SEC22C: variants seen among roughly 807,000 people sequenced by gnomAD.
The protein encoded by SEC22C is vesicle-trafficking protein SEC22c.
Under a neutral mutation model 34.7 loss-of-function variants are expected in SEC22C, and 29 were observed. The ratio of observed to expected loss-of-function variants is 0.84; its 90% CI spans 0.62 to 1.14. The LOEUF (loss-of-function observed/expected upper bound fraction) is 1.14, where lower values mean the gene tolerates loss of function less well. SEC22C is among the 50% of genes most tolerant of loss of function. The probability of loss-of-function intolerance (pLI) is 0.00; values close to 1 mark genes in which losing one functional copy is unlikely to be tolerated. For synonymous variants in SEC22C, 117 were observed against 132.8 expected (o/e 0.88, Z 0.82); for missense variants, 337 against 369.0 (o/e 0.91, Z 0.71).
rs779902672 is a variant in SEC22C, at chr3:42,591,608, A to G, written c.-28+9352T>C. 3.7e-6 allele frequency: 6 copies of G among 1,605,254 alleles called. No individual in the cohort carries two copies. The East Asian group carries it at 6.7e-5, about 18-fold the overall frequency. Reference sequence around the variant, plus strand: ...GCGGGAACGAGTGCGTGCAGTAAGTACCCCCACCCCCGCGCCCCTGACCTG... The same window carrying G: ...GCGGGAACGAGTGCGTGCAGTAAGTGCCCCCACCCCCGCGCCCCTGACCTG... On this transcript the variant is annotated intron_variant, in intron 1 of 6. Coordinates refer to the SEC22C transcript ENST00000417572.
At position 42,548,431 on chromosome 3, in the gene SEC22C, G is replaced by A. The variant is rs750260174; in HGVS notation, c.*4817C>T. On this transcript the variant is annotated 3_prime_UTR_variant, in exon 7 of 7. Transcript: ENST00000264454. ...TACCCTAAATAAAAGGCGCTTGTGGGCAACAGCTCTGCCATCAATACACAT... is the reference window on the plus strand; with the variant it reads ...TACCCTAAATAAAAGGCGCTTGTGGACAACAGCTCTGCCATCAATACACAT... 2.2e-5 allele frequency: 14 copies of A among 649,924 alleles called. No individual in the cohort carries two copies. Among genetic ancestry groups the A allele is most frequent in the Admixed American group, 5.8e-5 (2 of 34,544 alleles). 40.3% of individuals were successfully genotyped at this position (649,924 alleles called of 1,614,324 possible). A position where few individuals can be genotyped will look rare whatever the true frequency, so the allele number is the denominator to read the frequency against.
At chr3:42,588,057 G>A (rs974207755) in intron 1 of SEC22C, among the ~76,000 whole-genome samples, 1 of 148,474 alleles carries the variant, frequency 6.7e-6, no homozygotes, top group African/African-American at 2.5e-5. Context: ...TGGGCAACAA[G>A]AGTGAAACTG....
chr3:42,576,253 A>C (rs1703955566), intron 1 of SEC22C, among the ~76,000 whole-genome samples: 2 of 152,248 alleles, frequency 1.3e-5, no homozygotes, highest in Non-Finnish European at 2.9e-5. Context: ...TTCCAAAAGA[A>C]GAAAAGTCTC....
Position 42,591,200 on chromosome 3 carries a change from C to T in SEC22C, c.-28+9760G>A, listed in dbSNP as rs3916736. ...GTCACACTGCACTAACCCTTTCTCTCCTTTTTTTTTTTTTTTTGAGACGGA... is the reference window on the plus strand; with the variant it reads ...GTCACACTGCACTAACCCTTTCTCTTCTTTTTTTTTTTTTTTTGAGACGGA... On this transcript the variant is annotated intron_variant, in intron 1 of 6. Transcript: ENST00000417572. 12 of 460,082 alleles carry T rather than the reference C, an allele frequency of 2.6e-5. No homozygotes were observed. The East Asian group carries it at 3.8e-4, about 14-fold the overall frequency. The allele number at this position is 460,082 out of a possible 1,614,324, so 28.5% of individuals were successfully genotyped here.
At chr3:42,584,536 G>T (rs572768786), upstream of SEC22C, among the ~76,000 whole-genome samples, 1 of 152,338 alleles carries the variant, frequency 6.6e-6, no homozygotes, top group Non-Finnish European at 1.5e-5. Context: ...GATTACAGGC[G>T]TGAGCCACCA....
chr3:42,568,968 T>A lies in SEC22C; in HGVS notation c.79A>T (p.Thr27Ser). The change falls in exon 2 of 7, where the codon ACC becomes TCC. Residue 27 changes from threonine (T) to serine (S), a missense_variant. Transcript: ENST00000264454. ...PLSASTDFYHTQDFLEWRRRL... is the reference protein window; with the variant it reads ...PLSASTDFYHSQDFLEWRRRL... Reference sequence around the variant, plus strand: ...CTCCTCCATTCCAAAAAATCTTGGGTGTGGTAAAAATCAGTAGAGGCTGAG... The same window carrying A: ...CTCCTCCATTCCAAAAAATCTTGGGAGTGGTAAAAATCAGTAGAGGCTGAG... The A allele has an allele frequency of 6.2e-7, 1 of 1,614,100 alleles. No homozygotes were observed. Among genetic ancestry groups the A allele is most frequent in the Non-Finnish European group, 8.5e-7 (1 of 1,180,032 alleles).
intron 1 of SEC22C, chr3:42,594,402 G>A (rs1704967214): frequency 1.9e-6 from 3 of 1,596,932 alleles, no homozygotes; most frequent in African/African-American, 2.7e-5. Context: ...TCTGATTTTT[G>A]CCTGTTTTTT....
At chr3:42,570,790 A>C (rs1182937091) in intron 1 of SEC22C, among the ~76,000 whole-genome samples, 1 of 152,180 alleles carries the variant, frequency 6.6e-6, no homozygotes, top group Non-Finnish European at 1.5e-5. Flanking sequence ...TGAAATATTT[A>C]ATTTTAAAAC....
chr3:42,554,298 T>C (rs1702397040), intron 6 of SEC22C, among the ~76,000 whole-genome samples: 1 of 152,186 alleles, frequency 6.6e-6, no homozygotes, highest in Non-Finnish European at 1.5e-5. Context: ...TTCTAAAAAA[T>C]GAATGCATTT....
Position 42,549,634 on chromosome 3 carries a change from T to A in SEC22C, c.*3614A>T. ...GAACCTCAATGCAATCTGCTCCCAC[T>A]CTGAAGCTCGTCTACCCACCCCATT... On this transcript the variant is annotated 3_prime_UTR_variant, in exon 7 of 7. Transcript: ENST00000264454. 2.0e-6 allele frequency: 2 copies of A among 985,396 alleles called. No individual in the cohort carries two copies. Among genetic ancestry groups the A allele is most frequent in the African/African-American group, 3.5e-5 (2 of 57,304 alleles). 61.0% of individuals were successfully genotyped at this position (985,396 alleles called of 1,614,324 possible).
chr3:42,553,188 G>C lies in SEC22C; in HGVS notation c.*60C>G. 6.3e-7 allele frequency: 1 copy of C among 1,594,296 alleles called. No homozygotes were observed. Among genetic ancestry groups the C allele is most frequent in the South Asian group, 1.1e-5 (1 of 88,332 alleles). ...GGAGTGTAAAGTAGAGAAGCAGAAA[G>C]AGAAACATAGATTGATCCTCAAAAG... On this transcript the variant is annotated 3_prime_UTR_variant, in exon 7 of 7. Coordinates refer to ENST00000264454, the MANE Select transcript of SEC22C (RefSeq NM_032970.4).
At chr3:42,600,752 G>T in intron 1 of SEC22C, 1 of 346,156 alleles carries the variant, frequency 2.9e-6, no homozygotes, top group Non-Finnish European at 5.2e-6. Context: ...TGCTCACGGG[G>T]ACCCGCTCAG....
In SEC22C at chr3:42,574,809, A is replaced by G. The variant is rs1342433461; in HGVS notation, c.-27-5736T>C. On this transcript the variant is annotated intron_variant, in intron 1 of 6. Coordinates refer to ENST00000264454, the MANE Select transcript of SEC22C (RefSeq NM_032970.4). ...AAAGAGATATACTAAAAAACACTAT[A>G]GATTATAAAATGAAATTATTATTTT... Among the ~76,000 whole-genome samples the G allele has an allele frequency of 3.3e-5, 5 of 152,188 alleles. No individual in the cohort carries two copies. The East Asian group carries it at 9.6e-4, about 29-fold the overall frequency.
chr3:42,597,862 A>T (rs1036833363), intron 1 of SEC22C, among the ~76,000 whole-genome samples: 1 of 152,252 alleles, frequency 6.6e-6, no homozygotes, highest in Non-Finnish European at 1.5e-5. Context: ...CTATAAAACT[A>T]CATTAATTAA....
Position 42,575,401 on chromosome 3 carries a change from TAAC to T in SEC22C, c.-27-6331_-27-6329del, listed in dbSNP as rs1366902080. ...ATCTACATGAAATTCACTTCCAGTATAACAATATAGGTAGGTTGAAAGTAAATG... is the reference window on the plus strand; with the variant it reads ...ATCTACATGAAATTCACTTCCAGTATAATATAGGTAGGTTGAAAGTAAATG... On this transcript the variant is annotated intron_variant, in intron 1 of 6. Coordinates refer to ENST00000264454, the MANE Select transcript of SEC22C (RefSeq NM_032970.4). 2.0e-5 allele frequency among the ~76,000 whole-genome samples: 3 copies of T among 152,314 alleles called. No individual in the cohort carries two copies. In the East Asian group the frequency reaches 5.8e-4, roughly 29 times the overall value.
At chr3:42,569,780 G>GA (rs774581300) in intron 1 of SEC22C, among the ~76,000 whole-genome samples, 4 of 152,184 alleles carry the variant, frequency 2.6e-5, no homozygotes, top group Non-Finnish European at 5.9e-5. Context: ...TTAAGAAACA[G>GA]AAAGAAACAG....
Position 42,563,506 on chromosome 3 carries a change from GA to G in SEC22C, c.346+16del. The stretch of plus-strand genomic sequence containing the variant: ...CACCATGGAAGAGAAAAATAAATAT[GA>G]AAGAGGGTTACAAACCAAACTCAAG... On this transcript the variant is annotated intron_variant, in intron 3 of 6. Transcript: ENST00000264454. 6.3e-7 allele frequency: 1 copy of G among 1,597,902 alleles called. No homozygotes were observed. Among genetic ancestry groups the G allele is most frequent in the Non-Finnish European group, 8.5e-7 (1 of 1,173,148 alleles).
chr3:42,568,807 T>G, intron 2 of SEC22C, 58 bp downstream of exon 2: 1 of 1,394,200 alleles, frequency 7.2e-7, no homozygotes, highest in Non-Finnish European at 1.0e-6. Flanking sequence ...TCACTACATG[T>G]AGTTAAAAGT....
At chr3:42,565,840 G>A (rs1467543544) in intron 2 of SEC22C, 1 of 451,216 alleles carries the variant, frequency 2.2e-6, no homozygotes. Context: ...CAGCCTTAGG[G>A]AACTAACACA....
Sources: gnomAD v4.1 joint callset for allele counts (sites outside exome capture counted in the v4.1 genomes callset) on GRCh38, gnomAD v4.1.1 for gene constraint, MANE v1.5 for transcripts, NCBI Gene and HGNC (gene_info 2026-07-23, HGNC 2026-07-21) for gene names.